Variants in EDARADD observed in about 807,000 individuals in gnomAD.
EDARADD encodes the protein EDAR associated via death domain, also known as ectodysplasin-A receptor-associated adapter protein.
A neutral mutation model predicts 25.6 loss-of-function variants in EDARADD; 20 were observed. The observed-to-expected ratio is 0.78, with a 90% CI of 0.55 to 1.14. The LOEUF is 1.14. Among genes scored for constraint, EDARADD ranks in the 50% most tolerant of loss-of-function variants. The probability of loss-of-function intolerance (pLI) is 0.00; values close to 1 mark genes in which losing one functional copy is unlikely to be tolerated. For synonymous variants in EDARADD, 86 were observed against 94.4 expected (o/e 0.91, Z 0.52); for missense variants, 225 against 270.1 (o/e 0.83, Z 1.17).
At chr1:236,376,624 T>C (rs1667228646) in intron 3 of EDARADD, among the ~76,000 whole-genome samples, 1 of 152,236 alleles carries the variant, frequency 6.6e-6, no homozygotes, top group South Asian at 2.1e-4. Flanking sequence ...TCCTACAGTT[T>C]GAACATGATA....
chr1:236,450,720 T>G (rs1328642509), intron 4 of EDARADD, among the ~76,000 whole-genome samples: 1 of 152,084 alleles, frequency 6.6e-6, no homozygotes, highest in Non-Finnish European at 1.5e-5. Context: ...AGCTAATTTA[T>G]GTAGTTTTAG....
At position 236,454,080 on chromosome 1, in the gene EDARADD, C is replaced by G. The variant is rs145510577; in HGVS notation, c.220-14151C>G. 6.2e-3 allele frequency among the ~76,000 whole-genome samples: 943 copies of G among 152,252 alleles called. 14 individuals are homozygous for G. Among genetic ancestry groups the G allele is most frequent in the African/African-American group, 0.022 (906 of 41,528 alleles). On this transcript the variant is annotated intron_variant, in intron 4 of 5. Transcript: ENST00000334232. ...TTCTTTTTTGAGACAGAGTCTCGCT[C>G]TGTTGCCCAGGCTGGAGTGCAGTGG... is the stretch of plus-strand genomic sequence containing the variant.
intron 1 of EDARADD, among the ~76,000 whole-genome samples, chr1:236,399,008 G>T (rs1218583475): frequency 6.6e-6 from 1 of 152,156 alleles, no homozygotes; most frequent in Non-Finnish European, 1.5e-5. Context: ...GCTCTTTAAA[G>T]AGTTGGGGGG....
intron 4 of EDARADD, among the ~76,000 whole-genome samples, chr1:236,457,690 A>G (rs1571947606): frequency 1.3e-5 from 2 of 152,006 alleles, no homozygotes; most frequent in East Asian, 3.9e-4. Flanking sequence ...GTAGTGGTGC[A>G]TGCCTGTAAT....
chr1:236,428,907 G>A (rs1316482601), intron 4 of EDARADD, among the ~76,000 whole-genome samples: 2 of 152,082 alleles, frequency 1.3e-5, no homozygotes, highest in Non-Finnish European at 2.9e-5. Flanking sequence ...GCCGAGGCTG[G>A]CAGATCACTC....
chr1:236,405,399 T>C (rs968832406), intron 1 of EDARADD, among the ~76,000 whole-genome samples: 1 of 152,170 alleles, frequency 6.6e-6, no homozygotes, highest in African/African-American at 2.4e-5. Flanking sequence ...GAGTGTTGAT[T>C]GAAATTCACC....
intron 5 of EDARADD, among the ~76,000 whole-genome samples, chr1:236,474,030 GCTGCCACC>G (rs1659431611): frequency 6.6e-6 from 1 of 152,120 alleles, no homozygotes; most frequent in Non-Finnish European, 1.5e-5. Flanking sequence ...TACAGGAAAT[GCTGCCACC>G]TCCATTTTAT....
intron 1 of EDARADD, among the ~76,000 whole-genome samples, chr1:236,399,951 G>T (rs1297474905): frequency 6.6e-6 from 1 of 152,190 alleles, no homozygotes; most frequent in African/African-American, 2.4e-5. Flanking sequence ...GCTTCAATGG[G>T]TCCAAGGTGG....
At chr1:236,351,811 C>T (rs1666918046) in intron 3 of EDARADD, among the ~76,000 whole-genome samples, 1 of 151,712 alleles carries the variant, frequency 6.6e-6, no homozygotes, top group Non-Finnish European at 1.5e-5. Flanking sequence ...TGTGTACTCA[C>T]TAGAGAGTCA....
chr1:236,425,512 G>A (rs1337087451), intron 3 of EDARADD, among the ~76,000 whole-genome samples: 1 of 152,028 alleles, frequency 6.6e-6, no homozygotes, highest in African/African-American at 2.4e-5. Flanking sequence ...CTGACCTGGG[G>A]ATGCACTTCA....
chr1:236,482,362 T>G lies in EDARADD; in HGVS notation c.361T>G (p.Leu121Val), dbSNP rs1659701894. The G allele has an allele frequency of 6.2e-7, 1 of 1,614,174 alleles. No individual in the cohort carries two copies. The change falls in exon 6 of 6, where the codon TTA becomes GTA. Residue 121 changes from leucine (L) to valine (V), a missense_variant. Coordinates refer to ENST00000334232, the MANE Select transcript of EDARADD (RefSeq NM_145861.4). ...AAGTGACTTGCTCAATGATCAGGAC[T>G]TACTAGACGTGATCAGGATAAAGCT... ...TISDLLNDQD[L>V]LDVIRIKLDP...
At chr1:236,363,282 C>T (rs1422114251) in intron 3 of EDARADD, among the ~76,000 whole-genome samples, 1 of 151,776 alleles carries the variant, frequency 6.6e-6, no homozygotes, top group African/African-American at 2.4e-5. Context: ...CCACCCAAAT[C>T]TCATGTCAAG....
intron 4 of EDARADD, among the ~76,000 whole-genome samples, chr1:236,460,564 T>C (rs1659011152): frequency 6.6e-6 from 1 of 152,212 alleles, no homozygotes; most frequent in African/African-American, 2.4e-5. Flanking sequence ...TACGGACTTA[T>C]ATTGTAAGAA....
At chr1:236,416,450 GA>G (rs1657643998) in intron 3 of EDARADD, among the ~76,000 whole-genome samples, 1 of 152,302 alleles carries the variant, frequency 6.6e-6, no homozygotes, top group East Asian at 1.9e-4. Context: ...TCTTAAGTGT[GA>G]TTTCCTGTTT....
chr1:236,433,601 G>A lies in EDARADD; in HGVS notation c.219+6151G>A, dbSNP rs568924230. 8.6e-5 allele frequency among the ~76,000 whole-genome samples: 13 copies of A among 151,922 alleles called. No individual in the cohort carries two copies. The East Asian group carries it at 1.8e-3, about 21-fold the overall frequency. ...GTTGGGATTACAGGCGTGAGTCACC[G>A]CATCCAGCCTAACTCATATAGTTTT... On this transcript the variant is annotated intron_variant, in intron 4 of 5. Coordinates refer to ENST00000334232, the MANE Select transcript of EDARADD (RefSeq NM_145861.4).
intron 4 of EDARADD, among the ~76,000 whole-genome samples, chr1:236,457,486 G>T (rs1335785173): frequency 6.6e-6 from 1 of 151,894 alleles, no homozygotes; most frequent in Non-Finnish European, 1.5e-5. Context: ...CTGAACTCCA[G>T]CCTGGGCAAC....
intron 3 of EDARADD, among the ~76,000 whole-genome samples, chr1:236,366,333 A>G (rs543334258): frequency 2.0e-5 from 3 of 152,300 alleles, no homozygotes; most frequent in African/African-American, 7.2e-5. Context: ...ATGACTCCCT[A>G]CCACTGAGCT....
intron 5 of EDARADD, among the ~76,000 whole-genome samples, chr1:236,470,851 A>G (rs568043682): frequency 1.3e-5 from 2 of 151,976 alleles, no homozygotes; most frequent in Non-Finnish European, 2.9e-5. Flanking sequence ...CAGACGATCC[A>G]CCCACCTCAG....
chr1:236,359,018 A>G (rs1222894764), intron 3 of EDARADD, among the ~76,000 whole-genome samples: 2 of 152,204 alleles, frequency 1.3e-5, no homozygotes, highest in Admixed American at 6.5e-5. Context: ...GTCTCTTTGT[A>G]GGTCTCTAAG....
Sources: allele counts gnomAD v4.1 joint callset (sites outside exome capture counted in the v4.1 genomes callset), GRCh38; gene constraint gnomAD v4.1.1; transcripts MANE v1.5; gene names NCBI Gene and HGNC (gene_info 2026-07-23, HGNC 2026-07-21).